The following ZNF567 variants were observed in gnomAD, a reference collection of about 807,000 sequenced individuals.
The protein encoded by ZNF567 is zinc finger protein 567.
A neutral mutation model predicts 53.9 loss-of-function variants in ZNF567; 36 were observed. The ratio of observed to expected loss-of-function variants is 0.67; its 90% CI spans 0.51 to 0.88. The LOEUF is 0.88. Ranked by LOEUF, ZNF567 falls within the 40% of genes least tolerant of loss-of-function variation. The pLI is 0.00. For missense variants in ZNF567, 619 were observed against 764.7 expected (o/e 0.81, Z 2.25); for synonymous variants, 224 against 260.4 (o/e 0.86, Z 1.35).
At chr19:36,697,995 A>G (rs889421260) in intron 3 of ZNF567, among the ~76,000 whole-genome samples, 3 of 150,260 alleles carry the variant, frequency 2.0e-5, no homozygotes, top group African/African-American at 7.4e-5. Flanking sequence ...ACATATGTAT[A>G]CATGTGCCAT....
intron 3 of ZNF567, among the ~76,000 whole-genome samples, chr19:36,703,095 G>T (rs1430473077): frequency 6.6e-6 from 1 of 152,120 alleles, no homozygotes; most frequent in African/African-American, 2.4e-5. Context: ...ATGTACAGAT[G>T]GGTTTTTGGT....
intron 3 of ZNF567, among the ~76,000 whole-genome samples, chr19:36,708,861 C>T (rs1176234595): frequency 2.6e-5 from 4 of 152,088 alleles, no homozygotes; most frequent in African/African-American, 7.2e-5. Context: ...TTTAATGATT[C>T]ATTTCATTCC....
intron 5 of ZNF567, among the ~76,000 whole-genome samples, chr19:36,715,686 C>A (rs1316334137): frequency 6.6e-6 from 1 of 150,610 alleles, no homozygotes; most frequent in Non-Finnish European, 1.5e-5. Flanking sequence ...TGAGCCACCA[C>A]ACCCGGCTAA....
chr19:36,709,657 G>A lies in ZNF567; in HGVS notation c.10-2729G>A, dbSNP rs1015434255. Among the ~76,000 whole-genome samples the A allele has an allele frequency of 8.6e-5, 13 of 150,838 alleles. No individual in the cohort carries two copies. The South Asian group carries it at 2.7e-3, about 32-fold the overall frequency. ...TTAGCATTTTTGATGGTGCAGTCCTGCTGGTGATGTTGCCCAGGCTGATCT... is the reference window on the plus strand; with the variant it reads ...TTAGCATTTTTGATGGTGCAGTCCTACTGGTGATGTTGCCCAGGCTGATCT... On this transcript the variant is annotated intron_variant, in intron 3 of 5. Coordinates refer to ENST00000682579, the MANE Select transcript of ZNF567 (RefSeq NM_001322917.1).
chr19:36,696,616 G>A (rs950027787), intron 3 of ZNF567, among the ~76,000 whole-genome samples: 4 of 152,096 alleles, frequency 2.6e-5, no homozygotes, highest in Admixed American at 2.6e-4. Context: ...CTATTGAGTG[G>A]TAAATTCTGT....
chr19:36,684,105 C>G (rs571560739), upstream of ZNF567, among the ~76,000 whole-genome samples: 43 of 152,234 alleles, frequency 2.8e-4, no homozygotes, highest in African/African-American at 9.9e-4. Flanking sequence ...CATATACAAA[C>G]AGAACAGTGC....
At chr19:36,699,602 C>T (rs981138532) in intron 3 of ZNF567, among the ~76,000 whole-genome samples, 3 of 152,082 alleles carry the variant, frequency 2.0e-5, no homozygotes, top group Admixed American at 1.3e-4. Flanking sequence ...TTTCATTGAG[C>T]AGTGGTTTGT....
chr19:36,669,602 A>G, the ZNF567 span, among the ~76,000 whole-genome samples: 1 of 152,274 alleles, frequency 6.6e-6, no homozygotes, highest in South Asian at 2.1e-4. Context: ...GTCCGATGTA[A>G]CCAACCTGCC....
chr19:36,686,794 G>C (rs761426325), upstream of ZNF567: 1 of 152,198 alleles, frequency 6.6e-6, no homozygotes, highest in Non-Finnish European at 1.5e-5. Context: ...CACTGCAGCT[G>C]GGGTCTATAC....
chr19:36,705,413 A>G (rs1323331887), intron 3 of ZNF567, among the ~76,000 whole-genome samples: 1 of 152,080 alleles, frequency 6.6e-6, no homozygotes, highest in Non-Finnish European at 1.5e-5. Flanking sequence ...AATATTTTCT[A>G]ATTTTCTCAT....
At chr19:36,677,749 A>C in the ZNF567 span, among the ~76,000 whole-genome samples, 3 of 152,224 alleles carry the variant, frequency 2.0e-5, no homozygotes, top group Non-Finnish European at 4.4e-5. Flanking sequence ...TCTGGGCAAC[A>C]GAGTGAGACT....
chr19:36,677,358 C>T, the ZNF567 span, among the ~76,000 whole-genome samples: 2 of 146,204 alleles, frequency 1.4e-5, no homozygotes, highest in African/African-American at 5.1e-5. Flanking sequence ...ACTCGGGAGG[C>T]TGAGGCAGGA....
the ZNF567 span, among the ~76,000 whole-genome samples, chr19:36,670,870 G>A: frequency 2.0e-5 from 3 of 152,164 alleles, no homozygotes; most frequent in Admixed American, 2.0e-4. Flanking sequence ...GGGAGGCCAA[G>A]GCATGTGGAT....
chr19:36,689,254 TG>T, intron 1 of ZNF567, 142 bp from the exon 2 acceptor site: 1 of 143,764 alleles, frequency 7.0e-6, no homozygotes, highest in South Asian at 2.3e-4. Context: ...TGTGTGTGTG[TG>T]TGTGTGTGTG....
At chr19:36,692,828 A>G (rs1239173835) in intron 2 of ZNF567, among the ~76,000 whole-genome samples, 2 of 152,190 alleles carry the variant, frequency 1.3e-5, no homozygotes, top group East Asian at 1.9e-4. Context: ...AATAAATTTT[A>G]AAAAGAGCCT....
At chr19:36,688,968 G>GCAT (rs1568680208) in intron 1 of ZNF567, among the ~76,000 whole-genome samples, 1 of 152,068 alleles carries the variant, frequency 6.6e-6, no homozygotes, top group Non-Finnish European at 1.5e-5. Context: ...GCATGATGGC[G>GCAT]CATGCCTGTA....
Position 36,719,189 on chromosome 19 carries a change from A to C in ZNF567, c.465A>C (p.Ala155=), listed in dbSNP as rs1165382273. 2 of 1,613,506 alleles carry C rather than the reference A, an allele frequency of 1.2e-6. No homozygotes were observed. Among genetic ancestry groups the C allele is most frequent in the Non-Finnish European group, 1.7e-6 (2 of 1,179,836 alleles). ...SELIISNLNP[A]RKRLSEYNGY... ...TAATCATCAGTAATCTAAATCCTGCAAGAAAGAGACTTAGTGAGTATAATG... is the reference window on the plus strand; with the variant it reads ...TAATCATCAGTAATCTAAATCCTGCCAGAAAGAGACTTAGTGAGTATAATG... The change falls in exon 6 of 6, where the codon GCA becomes GCC. Residue 155 remains alanine (A), a synonymous_variant. Transcript: ENST00000682579.
At chr19:36,675,288 C>T in the ZNF567 span, among the ~76,000 whole-genome samples, 2 of 152,052 alleles carry the variant, frequency 1.3e-5, no homozygotes, top group Non-Finnish European at 2.9e-5. Flanking sequence ...ACATGTAATA[C>T]CAGTACTTTG....
Position 36,719,848 on chromosome 19 carries a change from G to A in ZNF567, c.1124G>A (p.Arg375His), listed in dbSNP as rs765976842. 3.8e-5 allele frequency: 61 copies of A among 1,613,924 alleles called. No homozygotes were observed. Among genetic ancestry groups the A allele is most frequent in the Non-Finnish European group, 4.7e-5 (56 of 1,180,014 alleles). Residue 375 changes from arginine (R) to histidine (H), a missense_variant, in exon 6 of 6, where the codon CGC becomes CAC. Transcript: ENST00000682579. ...TGTAATGACTGTGGGAAGTCCTTCC[G>A]CCAGAAGACAACACTCTCTCTACAT... is the stretch of plus-strand genomic sequence containing the variant. Reference protein sequence around the residue: ...YECNDCGKSFRQKTTLSLHQR... With the variant: ...YECNDCGKSFHQKTTLSLHQR...
Sources: gnomAD v4.1 joint callset for allele counts (sites outside exome capture counted in the v4.1 genomes callset) on GRCh38, gnomAD v4.1.1 for gene constraint, MANE v1.5 for transcripts, NCBI Gene and HGNC (gene_info 2026-07-23, HGNC 2026-07-21) for gene names.